Variants in MYO16 observed in about 807,000 individuals in gnomAD.
MYO16 encodes unconventional myosin-XVI.
Under a neutral mutation model 205.3 loss-of-function variants are expected in MYO16, and 94 were observed. The ratio of observed to expected loss-of-function variants is 0.46; its 90% confidence interval spans 0.39 to 0.54. The LOEUF (loss-of-function observed/expected upper bound fraction) is 0.54, where lower values mean the gene tolerates loss of function less well. Among genes scored for constraint, MYO16 ranks in the 20% least tolerant of loss-of-function variants. MYO16 has a pLI of 0.00. For missense variants in MYO16, 2,315 were observed against 2,387.5 expected, an observed-to-expected ratio of 0.97 and a Z score of 0.63; for synonymous variants, 988 against 954.0, an observed-to-expected ratio of 1.04 and a Z score of -0.66.
the MYO16 span, among the ~76,000 whole-genome samples, chr13:108,588,116 A>G: frequency 2.6e-5 from 4 of 152,134 alleles, no homozygotes; most frequent in Non-Finnish European, 4.4e-5. Flanking sequence ...GCTTTTTATT[A>G]TTATAAACAC....
intron 23 of MYO16, among the ~76,000 whole-genome samples, chr13:109,027,159 C>T (rs557488721): frequency 6.6e-6 from 1 of 152,236 alleles, no homozygotes; most frequent in Non-Finnish European, 1.5e-5. Flanking sequence ...TGGTGGTAGC[C>T]AGCCATTGGC....
chr13:108,985,151 T>A (rs1325941221), intron 20 of MYO16, among the ~76,000 whole-genome samples: 2 of 152,358 alleles, frequency 1.3e-5, no homozygotes, highest in East Asian at 1.9e-4. Context: ...TTGTATGGGA[T>A]GCAGAATAAT....
intron 9 of MYO16, among the ~76,000 whole-genome samples, chr13:108,826,152 T>A (rs1876251816): frequency 1.3e-5 from 2 of 152,120 alleles, no homozygotes; most frequent in South Asian, 4.1e-4. Flanking sequence ...GTTGGAGAAC[T>A]CACACAACCC....
At chr13:108,677,331 G>GTATATATATATATATA (rs1566544758) in intron 2 of MYO16, among the ~76,000 whole-genome samples, 2 of 126,594 alleles carry the variant, frequency 1.6e-5, no homozygotes, top group African/African-American at 6.2e-5. Flanking sequence ...GTGTGTGTGT[G>GTATATATATATATATA]TGTGTATATA....
chr13:108,886,976 A>T (rs1332012542), intron 13 of MYO16, among the ~76,000 whole-genome samples: 2 of 152,172 alleles, frequency 1.3e-5, no homozygotes, highest in Admixed American at 6.5e-5. Flanking sequence ...GCTAAGATAC[A>T]TGCTTTCTCC....
At position 109,092,904 on chromosome 13, in the gene MYO16, T is replaced by C. The variant is rs73618366; in HGVS notation, c.3336-7881T>C. Reference sequence around the variant, plus strand: ...TTGGGTTCTTTACACCTTTTACTAGTTAGATATTCTCTGCCTCTTCAATTT... The same window carrying C: ...TTGGGTTCTTTACACCTTTTACTAGCTAGATATTCTCTGCCTCTTCAATTT... On this transcript the variant is annotated intron_variant, in intron 27 of 34. Coordinates refer to ENST00000457511, the MANE Select transcript of MYO16 (RefSeq NM_001198950.3). Among the ~76,000 whole-genome samples, 666 of 152,366 alleles carry C rather than the reference T, an allele frequency of 4.4e-3. 5 individuals are homozygous for C. Among genetic ancestry groups the C allele is most frequent in the African/African-American group, 0.015 (608 of 41,580 alleles).
At chr13:108,979,930 A>G (rs182535543) in intron 20 of MYO16, among the ~76,000 whole-genome samples, 267 of 152,308 alleles carry the variant, frequency 1.8e-3, no homozygotes, top group Middle Eastern at 3.4e-3. Flanking sequence ...TTAAAAAAGT[A>G]TGCTATAGAC....
Position 109,107,630 on chromosome 13 carries a change from T to C in MYO16, c.3438+6743T>C, listed in dbSNP as rs548308807. On this transcript the variant is annotated intron_variant, in intron 28 of 34. Coordinates refer to ENST00000457511, the MANE Select transcript of MYO16 (RefSeq NM_001198950.3). ...TGGTTTATAACCTTTGTTTTACTAC[T>C]CAGGGAACACTTCATAAATCAACTA... is the stretch of plus-strand genomic sequence containing the variant. Among the ~76,000 whole-genome samples, 144 of 152,084 alleles carry C rather than the reference T, an allele frequency of 9.5e-4. 1 individual carries two copies. The highest frequency in any genetic ancestry group is 2.9e-3 in the Admixed American group (45 of 15,264).
At chr13:108,499,269 C>T in the MYO16 span, among the ~76,000 whole-genome samples, 646 of 152,284 alleles carry the variant, frequency 4.2e-3, 1 homozygote, top group African/African-American at 0.014. Flanking sequence ...AGTAGTCATT[C>T]AAGTATGCAG....
At chr13:109,046,737 C>T (rs1296493483) in intron 23 of MYO16, among the ~76,000 whole-genome samples, 179 bp from the exon 24 acceptor site, 2 of 152,158 alleles carry the variant, frequency 1.3e-5, no homozygotes. Context: ...GTTTAATGTA[C>T]AGAATGAGAA....
rs114920207 is a variant in MYO16, at chr13:108,692,585, G to A, written c.293-20076G>A. 5.0e-3 allele frequency among the ~76,000 whole-genome samples: 765 copies of A among 152,156 alleles called. 8 individuals carry two copies. Among genetic ancestry groups the A allele is most frequent in the African/African-American group, 0.016 (672 of 41,496 alleles). ...TCCTGAAGCCTCTGGCAAACGTTGC[G>A]ATTGGAATTGATAATGTCCTAAGGG... is the stretch of plus-strand genomic sequence containing the variant. On this transcript the variant is annotated intron_variant, in intron 2 of 34. Transcript: ENST00000457511.
chr13:108,547,653 C>A, the MYO16 span, among the ~76,000 whole-genome samples: 2 of 152,130 alleles, frequency 1.3e-5, no homozygotes, highest in African/African-American at 4.8e-5. Context: ...AAGAAATAGG[C>A]TATAGGCCAT....
chr13:108,996,755 C>A (rs902154223), intron 21 of MYO16, among the ~76,000 whole-genome samples: 2 of 152,042 alleles, frequency 1.3e-5, no homozygotes, highest in African/African-American at 4.8e-5. Flanking sequence ...TCATCATGTG[C>A]CATTTTTAAT....
chr13:108,554,095 A>G, the MYO16 span, among the ~76,000 whole-genome samples: 1 of 152,148 alleles, frequency 6.6e-6, no homozygotes, highest in East Asian at 1.9e-4. Context: ...TATTTAGGGC[A>G]AATACTCTGT....
At chr13:108,960,678 A>G (rs948630380) in intron 17 of MYO16, among the ~76,000 whole-genome samples, 2 of 152,240 alleles carry the variant, frequency 1.3e-5, no homozygotes, top group Admixed American at 6.5e-5. Flanking sequence ...TGAGAACAGA[A>G]CAGGCTATGC....
At chr13:108,968,833 C>T (rs988157694) in intron 20 of MYO16, among the ~76,000 whole-genome samples, 2 of 152,178 alleles carry the variant, frequency 1.3e-5, no homozygotes, top group African/African-American at 4.8e-5. Context: ...GAGCAGAGGC[C>T]ATGACGTGCT....
intron 16 of MYO16, among the ~76,000 whole-genome samples, chr13:108,938,392 G>A (rs1882581459): frequency 6.6e-6 from 1 of 152,218 alleles, no homozygotes; most frequent in Non-Finnish European, 1.5e-5. Flanking sequence ...GCTCAGCCCT[G>A]GGGGTCAGGA....
intron 3 of MYO16, among the ~76,000 whole-genome samples, chr13:108,715,633 G>T (rs1883913697): frequency 1.3e-5 from 2 of 152,046 alleles, no homozygotes. Context: ...TAGATATTGG[G>T]GTGAAAAGAT....
chr13:108,714,222 A>G (rs1883842997), intron 3 of MYO16, among the ~76,000 whole-genome samples: 1 of 151,960 alleles, frequency 6.6e-6, no homozygotes, highest in African/African-American at 2.4e-5. Flanking sequence ...CGCCCAGCGA[A>G]TTTTTTGTAT....
Sources: gnomAD v4.1 joint callset for allele counts (sites outside exome capture counted in the v4.1 genomes callset) on GRCh38, gnomAD v4.1.1 for gene constraint, MANE v1.5 for transcripts, NCBI Gene and HGNC (gene_info 2026-07-23, HGNC 2026-07-21) for gene names.